EME2: variants seen among roughly 807,000 people sequenced by gnomAD.
EME2 encodes structure-specific endonuclease subunit EME2.
A neutral mutation model predicts 41.9 loss-of-function variants in EME2; 58 were observed. The observed-to-expected ratio is 1.38, with a 90% CI of 1.12 to 1.72. EME2 has a LOEUF of 1.72. Among genes scored for constraint, EME2 ranks in the 40% most tolerant of loss-of-function variants. The pLI, the probability that EME2 is intolerant of heterozygous loss-of-function variation, is 0.00. For missense variants in EME2, 695 were observed against 541.9 expected (o/e 1.28, Z -2.81); for synonymous variants, 334 against 239.3 (o/e 1.40, Z -3.65).
Position 1,777,004 on chromosome 16 carries a change from C to T in EME2, c.*766C>T. On this transcript the variant is annotated 3_prime_UTR_variant, in exon 8 of 8. Transcript: ENST00000568449. The stretch of plus-strand genomic sequence containing the variant: ...CCGGACGGGCCTCATCCAACTCCGC[C>T]CTGGAGTGTGGCTGGAAGGAAGGGA... 2 of 1,449,594 alleles carry T rather than the reference C, an allele frequency of 1.4e-6. No homozygotes were observed. The highest frequency in any genetic ancestry group is 1.3e-5 in the South Asian group (1 of 77,584). 89.8% of individuals were successfully genotyped at this position (1,449,594 alleles called of 1,614,324 possible). A position where few individuals can be genotyped will look rare whatever the true frequency, so the allele number is the denominator to read the frequency against.
chr16:1,776,703 C>T lies in EME2; in HGVS notation c.*465C>T, dbSNP rs2042717896. ...GCCTCTGCACGGATACGTTTCAGCT[C>T]ACGCCATGTGGGTGTTAGACATCAA... On this transcript the variant is annotated 3_prime_UTR_variant, in exon 8 of 8. Coordinates refer to ENST00000568449, the MANE Select transcript of EME2 (RefSeq NM_001257370.2). 1 of 305,720 alleles carries T rather than the reference C, an allele frequency of 3.3e-6. No individual in the cohort carries two copies. The highest frequency in any genetic ancestry group is 6.1e-6 in the Non-Finnish European group (1 of 163,604). The allele number at this position is 305,720 out of a possible 1,614,324, so 18.9% of individuals were successfully genotyped here.
At position 1,778,722 on chromosome 16, in the gene EME2, G is replaced by C; in HGVS notation, c.*2484G>C. 1 of 1,258,254 alleles carries C rather than the reference G, an allele frequency of 7.9e-7. No homozygotes were observed. The highest frequency in any genetic ancestry group is 2.8e-5 in the Admixed American group (1 of 35,998). 77.9% of individuals were successfully genotyped at this position (1,258,254 alleles called of 1,614,324 possible). A position where few individuals can be genotyped will look rare whatever the true frequency, so the allele number is the denominator to read the frequency against. ...CCTGACCCACCCAGGAAAGGATGGG[G>C]GTCCAGGCCTCCAGGGACTTCACAG... On this transcript the variant is annotated 3_prime_UTR_variant, in exon 8 of 8. Coordinates refer to ENST00000568449, the MANE Select transcript of EME2 (RefSeq NM_001257370.2).
chr16:1,774,943 T>C (rs749906760), intron 3 of EME2, 98 bp from the exon 4 acceptor site: 54 of 950,334 alleles, frequency 5.7e-5, no homozygotes, highest in Middle Eastern at 2.4e-4. Flanking sequence ...TGGCTCTTTT[T>C]CAGGCTTGCT....
Position 1,778,504 on chromosome 16 carries a change from C to T in EME2, c.*2266C>T. ...GAGTGCAGGCTGCTACAGAAGGAGGCCTCGCTCTGCCCAGCACAGTCACAG... is the reference window on the plus strand; with the variant it reads ...GAGTGCAGGCTGCTACAGAAGGAGGTCTCGCTCTGCCCAGCACAGTCACAG... On this transcript the variant is annotated 3_prime_UTR_variant, in exon 8 of 8. Transcript: ENST00000568449. 1 of 1,612,076 alleles carries T rather than the reference C, an allele frequency of 6.2e-7. No homozygotes were observed. The highest frequency in any genetic ancestry group is 1.1e-5 in the South Asian group (1 of 91,060).
At position 1,773,693 on chromosome 16, in the gene EME2, C is replaced by A. The variant is rs917201339; in HGVS notation, c.248-12C>A. The A allele has an allele frequency of 4.1e-5, 63 of 1,548,298 alleles. No homozygotes were observed. Among genetic ancestry groups the A allele is most frequent in the Non-Finnish European group, 4.5e-5 (52 of 1,146,944 alleles). On this transcript the variant is annotated splice_polypyrimidine_tract_variant and intron_variant, in intron 1 of 7. Coordinates refer to ENST00000568449, the MANE Select transcript of EME2 (RefSeq NM_001257370.2). The stretch of plus-strand genomic sequence containing the variant: ...AGGAAGCAGTGACCGCGCTCCTCTC[C>A]CCCGGTCCCAGCCATCCTGGAAGAC...
chr16:1,773,740 G>C lies in EME2; in HGVS notation c.283G>C (p.Glu95Gln). 1 of 1,548,602 alleles carries C rather than the reference G, an allele frequency of 6.5e-7. No individual in the cohort carries two copies. Among genetic ancestry groups the C allele is most frequent in the Non-Finnish European group, 8.7e-7 (1 of 1,147,086 alleles). ...AGACGCCGGTGCCGACGTCCTGATG[G>C]AGGCCCTGGAGGCCCTGGGCTGCGA... ...LEDAGADVLM[E>Q]ALEALGCECR... The change falls in exon 2 of 8, where the codon GAG becomes CAG. Residue 95 changes from glutamate to glutamine, a missense_variant. Transcript: ENST00000568449.
In EME2 at chr16:1,776,422, G is replaced by A. The variant is rs181119851; in HGVS notation, c.*184G>A. The A allele has an allele frequency of 3.3e-4, 197 of 590,704 alleles. 5 individuals carry two copies. In the Admixed American group the frequency reaches 5.8e-3, roughly 17 times the overall value. The allele number at this position is 590,704 out of a possible 1,614,324, so 36.6% of individuals were successfully genotyped here. A position where few individuals can be genotyped will look rare whatever the true frequency, so the allele number is the denominator to read the frequency against. On this transcript the variant is annotated 3_prime_UTR_variant, in exon 8 of 8. Transcript: ENST00000568449. ...AAGTTTTAGGTAGCTGGGAGAAGAG[G>A]GGCTTCTGGCTGGCAGATGGCTGGC...
At position 1,780,046 on chromosome 16, in the gene EME2, A is replaced by G. The variant is rs1896661823; in HGVS notation, c.*3808A>G. 1 of 152,370 alleles carries G rather than the reference A, an allele frequency of 6.6e-6. No homozygotes were observed. The highest frequency in any genetic ancestry group is 2.1e-4 in the South Asian group (1 of 4,836). The allele number at this position is 152,370 out of a possible 1,614,324, so 9.4% of individuals were successfully genotyped here. A position where few individuals can be genotyped will look rare whatever the true frequency, so the allele number is the denominator to read the frequency against. On this transcript the variant is annotated 3_prime_UTR_variant, in exon 8 of 8. Coordinates refer to ENST00000568449, the MANE Select transcript of EME2 (RefSeq NM_001257370.2). ...CAGAGGAGAGGAGCCCACCCCTCCC[A>G]GGACACCTGGCTGAGCCGGAACAGC...
intron 1 of EME2, 98 bp downstream of exon 1, chr16:1,773,572 G>A (rs1168188263): frequency 9.9e-6 from 15 of 1,517,844 alleles, no homozygotes; most frequent in African/African-American, 1.4e-5. Context: ...GTGCCGAGGG[G>A]CCTGGGGCCG....
intron 3 of EME2, 41 bp downstream of exon 3, chr16:1,774,393 G>C (rs376625018): frequency 1.9e-6 from 3 of 1,562,308 alleles, no homozygotes; most frequent in Non-Finnish European, 2.6e-6. Flanking sequence ...AATCAGGAGG[G>C]GTGGGTTCCC....
In EME2 at chr16:1,778,787, C is replaced by A; in HGVS notation, c.*2549C>A. On this transcript the variant is annotated 3_prime_UTR_variant, in exon 8 of 8. Coordinates refer to ENST00000568449, the MANE Select transcript of EME2 (RefSeq NM_001257370.2). The stretch of plus-strand genomic sequence containing the variant: ...AGCCCAGGCTCCCTCCCAACGGGCT[C>A]CGGCTCTGCCCCATTCTGCATGACC... 1.6e-6 allele frequency: 1 copy of A among 621,878 alleles called. No individual in the cohort carries two copies. The allele number at this position is 621,878 out of a possible 1,614,324, so 38.5% of individuals were successfully genotyped here.
Position 1,777,971 on chromosome 16 carries a change from C to A in EME2, c.*1733C>A. The A allele has an allele frequency of 6.2e-7, 1 of 1,613,056 alleles. No homozygotes were observed. On this transcript the variant is annotated 3_prime_UTR_variant, in exon 8 of 8. Coordinates refer to ENST00000568449, the MANE Select transcript of EME2 (RefSeq NM_001257370.2). ...CCGTGTAGGAGAGGCCCCAGCTGTC[C>A]TCATCCCTGCCCAGCAGGCTGCAGA...
chr16:1,779,000 A>G lies in EME2; in HGVS notation c.*2762A>G, dbSNP rs1038452835. Reference sequence around the variant, plus strand: ...AGGCCACCACCCCCACACCAGGCCCAGCTGCAGCCACCCGGCCTCAGGGCA... The same window carrying G: ...AGGCCACCACCCCCACACCAGGCCCGGCTGCAGCCACCCGGCCTCAGGGCA... On this transcript the variant is annotated 3_prime_UTR_variant, in exon 8 of 8. Transcript: ENST00000568449. 6 of 187,324 alleles carry G rather than the reference A, an allele frequency of 3.2e-5. No individual in the cohort carries two copies. The highest frequency in any genetic ancestry group is 1.4e-4 in the South Asian group (1 of 7,066). The allele number at this position is 187,324 out of a possible 1,614,324, so 11.6% of individuals were successfully genotyped here.
rs775051378 is a variant in EME2 at position 1,781,428 on chromosome 16, C to T, written c.*5190C>T. On this transcript the variant is annotated 3_prime_UTR_variant, in exon 8 of 8. Transcript: ENST00000568449. Reference sequence around the variant, plus strand: ...CACGGCCCGGGCATCTGCGTCTCGGCGGGCTGCACTCAGGACGAAGTGCCA... The same window carrying T: ...CACGGCCCGGGCATCTGCGTCTCGGTGGGCTGCACTCAGGACGAAGTGCCA... 6 of 1,612,826 alleles carry T rather than the reference C, an allele frequency of 3.7e-6. No homozygotes were observed. Among genetic ancestry groups the T allele is most frequent in the Non-Finnish European group, 5.1e-6 (6 of 1,180,014 alleles).
Position 1,772,855 on chromosome 16 carries a change from G to C in EME2, c.-373G>C, listed in dbSNP as rs1436034774. ...AGGCGCCAGTAGCACGGCTCGTCGT[G>C]CTGCCACAGCCAGGACTTGCGCGTG... On this transcript the variant is annotated 5_prime_UTR_variant, in exon 1 of 8. Transcript: ENST00000568449. 1 of 1,444,546 alleles carries C rather than the reference G, an allele frequency of 6.9e-7. No individual in the cohort carries two copies. Among genetic ancestry groups the C allele is most frequent in the South Asian group, 1.4e-5 (1 of 69,916 alleles). The allele number at this position is 1,444,546 out of a possible 1,614,324, so 89.5% of individuals were successfully genotyped here.
intron 2 of EME2, 150 bp downstream of exon 2, chr16:1,773,991 T>C: frequency 8.9e-7 from 1 of 1,121,980 alleles, no homozygotes; most frequent in Non-Finnish European, 1.2e-6. Flanking sequence ...GAAGTGGAGG[T>C]GCCCAAGCCG....
Position 1,776,123 on chromosome 16 carries a change from C to T in EME2, c.1025C>T (p.Pro342Leu), listed in dbSNP as rs779770797. The change falls in exon 8 of 8, where the codon CCT becomes CTT. Residue 342 changes from proline (P) to leucine (L), a missense_variant. Transcript: ENST00000568449. ...RERMGLLADL[P>L]VPPSEGGRPR... is the part of the protein sequence containing the mutation. ...CGCATGGGCCTCCTGGCCGACCTTC[C>T]TGTGCCGCCCAGTGAAGGCGGGCGT... 2.2e-5 allele frequency: 35 copies of T among 1,612,082 alleles called. No individual in the cohort carries two copies. The highest frequency in any genetic ancestry group is 3.3e-4 in the Middle Eastern group (2 of 6,060).
chr16:1,777,628 G>T lies in EME2; in HGVS notation c.*1390G>T. 1 of 1,503,662 alleles carries T rather than the reference G, an allele frequency of 6.7e-7. No homozygotes were observed. The highest frequency in any genetic ancestry group is 8.9e-7 in the Non-Finnish European group (1 of 1,117,416). 93.1% of individuals were successfully genotyped at this position (1,503,662 alleles called of 1,614,324 possible). ...CTGTCCCACCCCCTGGGACCCTGGG[G>T]CCTCAGGCTTCTGGGAGGAACCCTT... On this transcript the variant is annotated 3_prime_UTR_variant, in exon 8 of 8. Transcript: ENST00000568449.
At position 1,778,979 on chromosome 16, in the gene EME2, C is replaced by A. The variant is rs763028321; in HGVS notation, c.*2741C>A. 69 of 198,294 alleles carry A rather than the reference C, an allele frequency of 3.5e-4. No individual in the cohort carries two copies. Among genetic ancestry groups the A allele is most frequent in the Non-Finnish European group, 4.6e-4 (45 of 98,288 alleles). 12.3% of individuals were successfully genotyped at this position (198,294 alleles called of 1,614,324 possible). ...CCCTGCAGGGGCCCCCAGGCAAGGC[C>A]ACCACCCCCACACCAGGCCCAGCTG... On this transcript the variant is annotated 3_prime_UTR_variant, in exon 8 of 8. Coordinates refer to ENST00000568449, the MANE Select transcript of EME2 (RefSeq NM_001257370.2).
Sources: allele counts gnomAD v4.1 joint callset, GRCh38; gene constraint gnomAD v4.1.1; transcripts MANE v1.5; gene names NCBI Gene and HGNC (gene_info 2026-07-23, HGNC 2026-07-21).